NCAM2: variants seen among roughly 807,000 people sequenced by gnomAD.
NCAM2 encodes the protein N-CAM-2.
A neutral mutation model predicts 98.1 loss-of-function variants in NCAM2; 30 were observed. That is an observed-to-expected ratio of 0.31 (90% CI 0.23 to 0.41). The LOEUF (loss-of-function observed/expected upper bound fraction) is 0.41. Among genes scored for constraint, NCAM2 ranks in the 10% least tolerant of loss-of-function variants. The pLI, the probability that NCAM2 is intolerant of heterozygous loss-of-function variation, is 1.00. For missense variants in NCAM2, 867 were observed against 1,005.8 expected, an observed-to-expected ratio of 0.86 and a Z score of 1.87; for synonymous variants, 368 against 342.4, an observed-to-expected ratio of 1.07 and a Z score of -0.83.
chr21:21,235,708 A>G (rs537879536), intron 1 of NCAM2, among the ~76,000 whole-genome samples: 1 of 152,124 alleles, frequency 6.6e-6, no homozygotes, highest in East Asian at 1.9e-4. Flanking sequence ...AACTTTATCT[A>G]GCACCTCAAA....
chr21:21,216,936 C>A (rs1601674206), intron 1 of NCAM2, among the ~76,000 whole-genome samples: 1 of 152,212 alleles, frequency 6.6e-6, no homozygotes, highest in South Asian at 2.1e-4. Flanking sequence ...GCTTGGAAAC[C>A]TTGGTTGAAG....
intron 1 of NCAM2, among the ~76,000 whole-genome samples, chr21:21,217,340 A>G (rs1391409328): frequency 1.3e-5 from 2 of 152,168 alleles, no homozygotes; most frequent in African/African-American, 4.8e-5. Context: ...AGAGCATGCA[A>G]GACAGCCCAT....
At chr21:21,336,475 TA>T (rs2074872964) in intron 7 of NCAM2, among the ~76,000 whole-genome samples, 1 of 151,226 alleles carries the variant, frequency 6.6e-6, no homozygotes, top group African/African-American at 2.4e-5. Context: ...AAATGATGAG[TA>T]ACTGGGTGCA....
At chr21:21,281,189 T>C (rs2072916617) in intron 2 of NCAM2, among the ~76,000 whole-genome samples, 1 of 152,174 alleles carries the variant, frequency 6.6e-6, no homozygotes, top group Non-Finnish European at 1.5e-5. Flanking sequence ...TTTAGACTGC[T>C]AATCTAGATC....
chr21:21,415,978 G>C (rs557475610), intron 10 of NCAM2, among the ~76,000 whole-genome samples: 1 of 152,080 alleles, frequency 6.6e-6, no homozygotes, highest in East Asian at 1.9e-4. Flanking sequence ...TTTTTTTCAG[G>C]AACTCTCTCT....
At chr21:21,195,103 A>G (rs773405689) in intron 1 of NCAM2, among the ~76,000 whole-genome samples, 7 of 152,186 alleles carry the variant, frequency 4.6e-5, no homozygotes, top group Non-Finnish European at 7.4e-5. Context: ...TGAGTGTTAC[A>G]GCAACCACTG....
At chr21:21,305,539 T>C (rs752385655) in intron 5 of NCAM2, among the ~76,000 whole-genome samples, 25 of 151,916 alleles carry the variant, frequency 1.6e-4, no homozygotes, top group Non-Finnish European at 2.4e-4. Context: ...TTTTTAGATA[T>C]AGGCTTTTCA....
chr21:21,163,589 T>C (rs2067858815), intron 1 of NCAM2, among the ~76,000 whole-genome samples: 1 of 152,178 alleles, frequency 6.6e-6, no homozygotes, highest in Non-Finnish European at 1.5e-5. Flanking sequence ...TAAGCATTAA[T>C]GAATTAGATC....
chr21:21,511,821 G>A (rs1410274787), intron 16 of NCAM2, among the ~76,000 whole-genome samples: 1 of 151,926 alleles, frequency 6.6e-6, no homozygotes, highest in Non-Finnish European at 1.5e-5. Flanking sequence ...TCTTATTATG[G>A]TTTTGATTTG....
chr21:21,296,695 T>G (rs536669878), intron 5 of NCAM2, among the ~76,000 whole-genome samples: 3 of 151,608 alleles, frequency 2.0e-5, no homozygotes, highest in African/African-American at 7.3e-5. Flanking sequence ...GAGAGATAAT[T>G]GGGGCCTTTA....
intron 1 of NCAM2, among the ~76,000 whole-genome samples, chr21:21,006,580 C>T (rs1379727428): frequency 6.6e-6 from 1 of 152,158 alleles, no homozygotes; most frequent in African/African-American, 2.4e-5. Flanking sequence ...TAAGTAAGAG[C>T]CAGGCTTCCT....
chr21:21,388,478 C>T (rs1282181827), intron 9 of NCAM2, among the ~76,000 whole-genome samples: 2 of 152,104 alleles, frequency 1.3e-5, no homozygotes, highest in South Asian at 4.1e-4. Context: ...GCTAATGTTG[C>T]TGAAGCTGAA....
chr21:21,169,504 G>T (rs1389397001), intron 1 of NCAM2, among the ~76,000 whole-genome samples: 2 of 151,916 alleles, frequency 1.3e-5, no homozygotes, highest in Admixed American at 6.6e-5. Context: ...GAGAAGTGAA[G>T]CCACAGACTG....
At chr21:21,047,201 G>A (rs1039439579) in intron 1 of NCAM2, among the ~76,000 whole-genome samples, 48 of 152,148 alleles carry the variant, frequency 3.2e-4, no homozygotes, top group Admixed American at 3.0e-3. Context: ...TTTTACTGGG[G>A]TATTTAAGAC....
chr21:21,352,814 A>T (rs1230420757), intron 8 of NCAM2, among the ~76,000 whole-genome samples: 2 of 144,082 alleles, frequency 1.4e-5, no homozygotes, highest in African/African-American at 5.1e-5. Flanking sequence ...AAAAAAAAAA[A>T]GATTAGAAAA....
At chr21:21,469,024 G>A (rs1286050303) in intron 14 of NCAM2, among the ~76,000 whole-genome samples, 1 of 151,620 alleles carries the variant, frequency 6.6e-6, no homozygotes, top group East Asian at 1.9e-4. Context: ...GTGTGAAATG[G>A]GACTAGTAAA....
At chr21:21,386,566 G>T (rs1239416668) in intron 9 of NCAM2, among the ~76,000 whole-genome samples, 1 of 152,114 alleles carries the variant, frequency 6.6e-6, no homozygotes, top group African/African-American at 2.4e-5. Context: ...AAAAAGAAAG[G>T]TGAAGAGTCT....
At position 20,998,427 on chromosome 21, in the gene NCAM2, C is replaced by G. The variant is rs1229198166; in HGVS notation, c.-137C>G. On this transcript the variant is annotated 5_prime_UTR_variant, in exon 1 of 18. Coordinates refer to ENST00000400546, the MANE Select transcript of NCAM2 (RefSeq NM_004540.5). ...TGCAGTCACTTTGCGAGGAGGAGCGCGCGGGCTGCGGGCGGCTGGGGCACC... is the reference window on the plus strand; with the variant it reads ...TGCAGTCACTTTGCGAGGAGGAGCGGGCGGGCTGCGGGCGGCTGGGGCACC... The G allele has an allele frequency of 1.4e-6, 1 of 695,990 alleles. No homozygotes were observed. Among genetic ancestry groups the G allele is most frequent in the Non-Finnish European group, 2.3e-6 (1 of 428,316 alleles). The allele number at this position is 695,990 out of a possible 1,614,324, so 43.1% of individuals were successfully genotyped here. A position where few individuals can be genotyped will look rare whatever the true frequency, so the allele number is the denominator to read the frequency against.
intron 12 of NCAM2, among the ~76,000 whole-genome samples, chr21:21,465,401 T>A (rs1983549557): frequency 6.6e-6 from 1 of 151,854 alleles, no homozygotes; most frequent in African/African-American, 2.4e-5. Context: ...AGCAACATAG[T>A]GAGACCCCAT....
Sources: allele counts gnomAD v4.1 joint callset (sites outside exome capture counted in the v4.1 genomes callset), GRCh38; gene constraint gnomAD v4.1.1; transcripts MANE v1.5; gene names NCBI Gene and HGNC (gene_info 2026-07-23, HGNC 2026-07-21).